Variants in CACNG5 observed in about 807,000 individuals in gnomAD.
CACNG5 encodes voltage-dependent calcium channel gamma-5 subunit.
CACNG5 carries 18 observed loss-of-function variants against 24.8 expected under a neutral mutation model. The ratio of observed to expected loss-of-function variants is 0.73; its 90% CI spans 0.50 to 1.08. CACNG5 has a LOEUF of 1.08. Among genes scored for constraint, CACNG5 ranks in the 50% least tolerant of loss-of-function variants. The pLI is 0.00. For synonymous variants in CACNG5, 157 were observed against 149.1 expected, an observed-to-expected ratio of 1.05 and a Z score of -0.39; for missense variants, 349 against 367.9, an observed-to-expected ratio of 0.95 and a Z score of 0.42.
chr17:66,844,763 A>G (rs531623922), intron 1 of CACNG5, among the ~76,000 whole-genome samples: 3 of 152,194 alleles, frequency 2.0e-5, no homozygotes, highest in Non-Finnish European at 4.4e-5. Flanking sequence ...CTATCATGAA[A>G]CACATTTTAT....
chr17:66,869,069 G>C (rs939147606), intron 1 of CACNG5, among the ~76,000 whole-genome samples: 2 of 151,976 alleles, frequency 1.3e-5, no homozygotes, highest in African/African-American at 4.8e-5. Context: ...ATCAGGTTGT[G>C]CTTCTTTTTT....
chr17:66,859,226 A>C lies in CACNG5; in HGVS notation c.-103-18004A>C, dbSNP rs566880369. On this transcript the variant is annotated intron_variant, in intron 1 of 5. Coordinates refer to ENST00000533854, the MANE Select transcript of CACNG5 (RefSeq NM_145811.3). ...CATCTAGTTCAAGAGCCTCGCCCTGAAGTAGCTGGTACATCATTTCTCTTT... is the reference window on the plus strand; with the variant it reads ...CATCTAGTTCAAGAGCCTCGCCCTGCAGTAGCTGGTACATCATTTCTCTTT... Among the ~76,000 whole-genome samples, 50 of 152,298 alleles carry C rather than the reference A, an allele frequency of 3.3e-4. No individual in the cohort carries two copies. The South Asian group carries it at 0.01, about 31-fold the overall frequency.
At chr17:66,866,869 T>C (rs1387618068) in intron 1 of CACNG5, among the ~76,000 whole-genome samples, 1 of 152,214 alleles carries the variant, frequency 6.6e-6, no homozygotes, top group Non-Finnish European at 1.5e-5. Flanking sequence ...CAGTCTATCA[T>C]TGATGGGCAT....
chr17:66,885,249 C>T lies in CACNG5; in HGVS notation c.*9C>T, dbSNP rs762743115. ...CCTCTTCACCCTGCTGAGCCTCGGC[C>T]GCCCCCATCCCTGGACTGTGGGTGG... On this transcript the variant is annotated 3_prime_UTR_variant, in exon 6 of 6. Coordinates refer to ENST00000533854, the MANE Select transcript of CACNG5 (RefSeq NM_145811.3). 5.1e-6 allele frequency: 8 copies of T among 1,566,142 alleles called. No individual in the cohort carries two copies. The highest frequency in any genetic ancestry group is 1.2e-5 in the South Asian group (1 of 84,256).
rs75486725 is a variant in CACNG5 at position 66,877,081 on chromosome 17, C to T, written c.-103-149C>T. The stretch of plus-strand genomic sequence containing the variant: ...GGTCCTTGCAGTGGCATGCCAAGAA[C>T]GCTCTGAATTGCTGCGGGGTTAGGG... On this transcript the variant is annotated intron_variant, in intron 1 of 5. Transcript: ENST00000533854. 1.9e-3 allele frequency: 884 copies of T among 458,268 alleles called. 4 individuals are homozygous for T. Among genetic ancestry groups the T allele is most frequent in the African/African-American group, 6.6e-3 (337 of 51,198 alleles). 28.4% of individuals were successfully genotyped at this position (458,268 alleles called of 1,614,324 possible). A position where few individuals can be genotyped will look rare whatever the true frequency, so the allele number is the denominator to read the frequency against.
At position 66,891,355 on chromosome 17, in the gene CACNG5, T is replaced by C. The variant is rs1379514222; in HGVS notation, c.*6115T>C. 6.6e-6 allele frequency among the ~76,000 whole-genome samples: 1 copy of C among 152,202 alleles called. No individual in the cohort carries two copies. The highest frequency in any genetic ancestry group is 1.5e-5 in the Non-Finnish European group (1 of 68,034). On this transcript the variant is annotated 3_prime_UTR_variant, in exon 6 of 6. Coordinates refer to ENST00000533854, the MANE Select transcript of CACNG5 (RefSeq NM_145811.3). Reference sequence around the variant, plus strand: ...GACAGCAACAATCATATCATGATTATTTCTGACAGCTTTAGGGGTTGGCTG... The same window carrying C: ...GACAGCAACAATCATATCATGATTACTTCTGACAGCTTTAGGGGTTGGCTG...
chr17:66,871,263 G>A (rs941289210), intron 1 of CACNG5, among the ~76,000 whole-genome samples: 1 of 152,182 alleles, frequency 6.6e-6, no homozygotes, highest in African/African-American at 2.4e-5. Context: ...GCTCCCAGGA[G>A]CAGCTCTTGT....
rs1287007866 is a variant in CACNG5, at chr17:66,885,069, T to G, written c.657T>G (p.Pro219=). ...MYRPHPGFYR[P]RLSNCSDYSG... ...GGCCCCACCCTGGCTTCTACCGCCCTCGGCTGAGCAACTGCTCCGATTACT... is the reference window on the plus strand; with the variant it reads ...GGCCCCACCCTGGCTTCTACCGCCCGCGGCTGAGCAACTGCTCCGATTACT... The change falls in exon 6 of 6, where the codon CCT becomes CCG. Residue 219 remains proline (P), a synonymous_variant. Transcript: ENST00000533854. 1.9e-6 allele frequency: 3 copies of G among 1,614,166 alleles called. No homozygotes were observed. The highest frequency in any genetic ancestry group is 1.7e-6 in the Non-Finnish European group (2 of 1,180,014).
intron 2 of CACNG5, 32 bp downstream of exon 2, chr17:66,877,560 C>T: frequency 1.9e-6 from 3 of 1,570,414 alleles, no homozygotes; most frequent in East Asian, 2.2e-5. Flanking sequence ...GACAGCCCTG[C>T]CCCCTGACAT....
chr17:66,881,249 G>A (rs1381614262), intron 4 of CACNG5, among the ~76,000 whole-genome samples: 1 of 152,176 alleles, frequency 6.6e-6, no homozygotes, highest in African/African-American at 2.4e-5. Flanking sequence ...TCTGGGATTG[G>A]AACCCAGGGT....
chr17:66,893,025 C>G lies in CACNG5; in HGVS notation c.*7785C>G, dbSNP rs1977365784. Reference sequence around the variant, plus strand: ...TGCATCTAAAGTCCTTATCAGAGTCCTTGGCACATAATAGGTATTTTGCAA... The same window carrying G: ...TGCATCTAAAGTCCTTATCAGAGTCGTTGGCACATAATAGGTATTTTGCAA... On this transcript the variant is annotated 3_prime_UTR_variant, in exon 6 of 6. Coordinates refer to ENST00000533854, the MANE Select transcript of CACNG5 (RefSeq NM_145811.3). Among the ~76,000 whole-genome samples, 3 of 152,184 alleles carry G rather than the reference C, an allele frequency of 2.0e-5. No homozygotes were observed. Among genetic ancestry groups the G allele is most frequent in the African/African-American group, 7.2e-5 (3 of 41,434 alleles).
At chr17:66,851,106 A>T (rs1308352384) in intron 1 of CACNG5, among the ~76,000 whole-genome samples, 1 of 152,244 alleles carries the variant, frequency 6.6e-6, no homozygotes, top group Non-Finnish European at 1.5e-5. Flanking sequence ...CCAGCCCAAA[A>T]AATTGCCAGG....
At chr17:66,839,943 A>G (rs553716533) in intron 1 of CACNG5, among the ~76,000 whole-genome samples, 132 of 152,354 alleles carry the variant, frequency 8.7e-4, no homozygotes, top group African/African-American at 3.1e-3. Context: ...CTGTTGGGGC[A>G]TGAGTATGGG....
intron 1 of CACNG5, among the ~76,000 whole-genome samples, chr17:66,854,284 C>T (rs969847119): frequency 9.9e-5 from 15 of 151,844 alleles, no homozygotes; most frequent in East Asian, 5.8e-4. Context: ...AAAAATTAGC[C>T]GGGCATGGTG....
intron 4 of CACNG5, among the ~76,000 whole-genome samples, chr17:66,883,600 C>G (rs1227135864): frequency 6.6e-6 from 1 of 152,190 alleles, no homozygotes; most frequent in Non-Finnish European, 1.5e-5. Flanking sequence ...GGTTGGTCCC[C>G]CCGGCCTCCT....
chr17:66,864,121 C>A (rs1259383934), intron 1 of CACNG5, among the ~76,000 whole-genome samples: 1 of 152,150 alleles, frequency 6.6e-6, no homozygotes, highest in East Asian at 1.9e-4. Flanking sequence ...TGTTAGATAT[C>A]CTGTTAGAAT....
At chr17:66,846,100 C>T (rs1976635609) in intron 1 of CACNG5, among the ~76,000 whole-genome samples, 1 of 152,178 alleles carries the variant, frequency 6.6e-6, no homozygotes, top group African/African-American at 2.4e-5. Context: ...CTTCCAGTCT[C>T]CTTTAATATC....
At chr17:66,853,289 A>C (rs1205272919) in intron 1 of CACNG5, among the ~76,000 whole-genome samples, 5 of 152,236 alleles carry the variant, frequency 3.3e-5, no homozygotes, top group Non-Finnish European at 7.3e-5. Context: ...GTTTGGGACT[A>C]TATGAATCAA....
chr17:66,877,004 TG>T lies in CACNG5; in HGVS notation c.-103-225del, dbSNP rs574637042. On this transcript the variant is annotated intron_variant, in intron 1 of 5. Transcript: ENST00000533854. ...CTGAATGAATGAATGAATGAATGAA[TG>T]AATGAATGAATGGCAGTACCCAGCA... is the stretch of plus-strand genomic sequence containing the variant. Among the ~76,000 whole-genome samples the T allele has an allele frequency of 5.4e-3, 822 of 152,156 alleles. 8 individuals carry two copies. The highest frequency in any genetic ancestry group is 0.019 in the African/African-American group (786 of 41,504).
Sources: allele counts gnomAD v4.1 joint callset (sites outside exome capture counted in the v4.1 genomes callset), GRCh38; gene constraint gnomAD v4.1.1; transcripts MANE v1.5; gene names NCBI Gene and HGNC (gene_info 2026-07-23, HGNC 2026-07-21).